SHANK1: variants seen among roughly 807,000 people sequenced by gnomAD.
SHANK1 encodes SH3 and multiple ankyrin repeat domains protein 1.
A neutral mutation model predicts 165.6 loss-of-function variants in SHANK1; 35 were observed. The ratio of observed to expected loss-of-function variants is 0.21; its 90% confidence interval spans 0.16 to 0.28. The LOEUF is 0.28. Ranked by LOEUF, SHANK1 falls within the 10% of genes least tolerant of loss-of-function variation. The pLI, the probability that SHANK1 is intolerant of heterozygous loss-of-function variation, is 1.00. For synonymous variants in SHANK1, 1,428 were observed against 1,384.8 expected, an observed-to-expected ratio of 1.03 and a Z score of -0.69; for missense variants, 2,681 against 3,036.4, an observed-to-expected ratio of 0.88 and a Z score of 2.75.
At chr19:50,687,542 TC>T in intron 19 of SHANK1, 39 bp downstream of exon 19, 12 of 1,494,936 alleles carry the variant, frequency 8.0e-6, no homozygotes, top group East Asian at 2.5e-5. Flanking sequence ...CCTTCCCCTC[TC>T]CCCCCGGCCC....
In SHANK1 at chr19:50,659,264, T is replaced by C; in HGVS notation, c.*2701A>G. 1.3e-6 allele frequency: 1 copy of C among 751,784 alleles called. No homozygotes were observed. Among genetic ancestry groups the C allele is most frequent in the Non-Finnish European group, 1.8e-6 (1 of 544,604 alleles). The allele number at this position is 751,784 out of a possible 1,614,324, so 46.6% of individuals were successfully genotyped here. A position where few individuals can be genotyped will look rare whatever the true frequency, so the allele number is the denominator to read the frequency against. The stretch of plus-strand genomic sequence containing the variant: ...AGGAGGCGGGGCCGGCTCGAGGGGG[T>C]GGATACTGTGAGTTTAATTATAAAG... On this transcript the variant is annotated 3_prime_UTR_variant, in exon 24 of 24. Coordinates refer to ENST00000293441, the MANE Select transcript of SHANK1 (RefSeq NM_016148.5).
Position 50,666,501 on chromosome 19 carries a change from G to T in SHANK1, c.5459C>A (p.Pro1820Gln). The change falls in exon 23 of 24, where the codon CCA (proline) becomes CAA (glutamine). Residue 1820 changes from proline to glutamine, a missense_variant. Pro to Gln is a moderately conservative substitution (Grantham distance 76, BLOSUM62 -1). Around this residue, in one of 10 missense-constraint regions of SHANK1, gnomAD observed 1,713 missense variants for 1,630.2 expected, o/e 1.05. Transcript: ENST00000293441. Reference sequence around the variant, plus strand: ...CGGCAAGGGCACCGGTGGGACTTCTGGCTCTACAGCCACCGGACCCCCCGC... The same window carrying T: ...CGGCAAGGGCACCGGTGGGACTTCTTGCTCTACAGCCACCGGACCCCCCGC... ...GVAGGPVAVE[P>Q]EVPPVPLPTA... is the part of the protein sequence containing the mutation. The T allele has an allele frequency of 6.3e-7, 1 of 1,591,848 alleles. No individual in the cohort carries two copies. The highest frequency in any genetic ancestry group is 1.8e-5 in the Admixed American group (1 of 56,670).
intron 12 of SHANK1, among the ~76,000 whole-genome samples, chr19:50,701,269 C>T (rs1261730004): frequency 6.6e-6 from 1 of 151,030 alleles, no homozygotes; most frequent in Non-Finnish European, 1.5e-5. Context: ...GCAACCTCCG[C>T]CTCCCGGGTT....
At chr19:50,710,544 A>G (rs2088994990) in intron 8 of SHANK1, among the ~76,000 whole-genome samples, 1 of 152,202 alleles carries the variant, frequency 6.6e-6, no homozygotes, top group Non-Finnish European at 1.5e-5. Context: ...CTAAAGTACC[A>G]GAGGTCATGA....
At chr19:50,694,655 T>G (rs1479732049) in intron 15 of SHANK1, among the ~76,000 whole-genome samples, 14 of 69,542 alleles carry the variant, frequency 2.0e-4, no homozygotes, top group Admixed American at 7.0e-4. Context: ...GGCTGACGAG[T>G]GCGTATTAGG....
intron 21 of SHANK1, among the ~76,000 whole-genome samples, chr19:50,685,182 G>A (rs1986294237): frequency 6.6e-6 from 1 of 152,168 alleles, no homozygotes; most frequent in Non-Finnish European, 1.5e-5. Context: ...GGGTGGCACT[G>A]GCAAGCCTAG....
At position 50,668,149 on chromosome 19, in the gene SHANK1, CG is replaced by C; in HGVS notation, c.3810del (p.Leu1272TrpfsTer71). ...TDAGDEDGGD[G>X]GLGTGAAPGP... The stretch of plus-strand genomic sequence containing the variant: ...CCCGGGGCCGCCCCTGTGCCCAGCC[CG>C]CCGTCCCCGCCGTCCTCGTCCCCCG... On this transcript the variant is annotated frameshift_variant, in exon 23 of 24. Coordinates refer to ENST00000293441, the MANE Select transcript of SHANK1 (RefSeq NM_016148.5). LOFTEE classifies it high-confidence loss of function. 1 of 1,457,084 alleles carries C rather than the reference CG, an allele frequency of 6.9e-7. No homozygotes were observed. The highest frequency in any genetic ancestry group is 1.3e-5 in the South Asian group (1 of 74,278). 90.3% of individuals were successfully genotyped at this position (1,457,084 alleles called of 1,614,324 possible).
In SHANK1 at chr19:50,712,015, C is replaced by T. The variant is rs753185548; in HGVS notation, c.892G>A (p.Glu298Lys). Reference protein sequence around the residue: ...AMVGGDPRCCELLLFNRAQLG... With the variant: ...AMVGGDPRCCKLLLFNRAQLG... ...TGGGCCCTGTTGAACAGGAGCAGCTCGCAGCATCGGGGGTCACCACCCACC... is the reference window on the plus strand; with the variant it reads ...TGGGCCCTGTTGAACAGGAGCAGCTTGCAGCATCGGGGGTCACCACCCACC... Residue 298 changes from glutamate to lysine, a missense_variant, in exon 7 of 24, where the codon GAG becomes AAG. Transcript: ENST00000293441. 2 of 1,614,010 alleles carry T rather than the reference C, an allele frequency of 1.2e-6. No individual in the cohort carries two copies. The highest frequency in any genetic ancestry group is 1.1e-5 in the South Asian group (1 of 91,084).
In SHANK1 at chr19:50,670,820, G is replaced by T. The variant is rs910064551; in HGVS notation, c.2674+1198C>A. Among the ~76,000 whole-genome samples, 2 of 151,814 alleles carry T rather than the reference G, an allele frequency of 1.3e-5. No individual in the cohort carries two copies. Among genetic ancestry groups the T allele is most frequent in the African/African-American group, 4.8e-5 (2 of 41,360 alleles). ...TTCTTTTCTTTTTTTTTGAGACAGA[G>T]TCTCGCTCTGTCGCCCAGGCTGGAG... On this transcript the variant is annotated intron_variant, in intron 22 of 23. Coordinates refer to ENST00000293441, the MANE Select transcript of SHANK1 (RefSeq NM_016148.5). This position sits in a 1 kb window ranked among gnomAD's most constrained non-coding sequence, Gnocchi z 4.1.
chr19:50,687,690 G>A lies in SHANK1; in HGVS notation c.2309-28C>T, dbSNP rs1986400355. The A allele has an allele frequency of 8.9e-6, 13 of 1,454,808 alleles. No homozygotes were observed. The South Asian group carries it at 1.7e-4, about 19-fold the overall frequency. 90.1% of individuals were successfully genotyped at this position (1,454,808 alleles called of 1,614,324 possible). On this transcript the variant is annotated intron_variant, in intron 18 of 23. Coordinates refer to ENST00000293441, the MANE Select transcript of SHANK1 (RefSeq NM_016148.5). ...GAAAAGGTGATGAGGGGAGGCATCA[G>A]TATCATGGGGGAGATGCCCCCACCA...
chr19:50,662,777 G>A lies in SHANK1; in HGVS notation c.5769-95C>T. 9 of 1,383,730 alleles carry A rather than the reference G, an allele frequency of 6.5e-6. No homozygotes were observed. In the South Asian group the frequency reaches 1.2e-4, roughly 18 times the overall value. 85.7% of individuals were successfully genotyped at this position (1,383,730 alleles called of 1,614,324 possible). A position where few individuals can be genotyped will look rare whatever the true frequency, so the allele number is the denominator to read the frequency against. On this transcript the variant is annotated intron_variant, in intron 23 of 23. Transcript: ENST00000293441. The surrounding 1 kb of genome is among the most constrained non-coding windows in gnomAD (Gnocchi z 7.7). ...GCAGAGGTCAAGATATAGGGAGAGAGGAGGAGAGACATAAGGGTAGGGGGA... is the reference window on the plus strand; with the variant it reads ...GCAGAGGTCAAGATATAGGGAGAGAAGAGGAGAGACATAAGGGTAGGGGGA...
intron 15 of SHANK1, among the ~76,000 whole-genome samples, chr19:50,692,472 T>TATATATACACAC (rs1037995388): frequency 3.4e-5 from 5 of 145,412 alleles, no homozygotes; most frequent in African/African-American, 1.3e-4. Flanking sequence ...TATATATATA[T>TATATATACACAC]ACACACACAC....
chr19:50,711,805 A>G, intron 7 of SHANK1, 142 bp downstream of exon 7: 1 of 1,004,228 alleles, frequency 1.0e-6, no homozygotes, highest in Non-Finnish European at 1.5e-6. Context: ...CTTCACCCCC[A>G]CCATTTCCTC....
intron 9 of SHANK1, 80 bp downstream of exon 9, chr19:50,704,356 TC>T (rs1192532785): frequency 1.4e-6 from 2 of 1,398,624 alleles, no homozygotes; most frequent in East Asian, 4.6e-5. Context: ...TTCCTCATTG[TC>T]CCCTTCCTTA....
At position 50,659,549 on chromosome 19, in the gene SHANK1, C is replaced by G. The variant is rs1159877328; in HGVS notation, c.*2416G>C. Among the ~76,000 whole-genome samples the G allele has an allele frequency of 6.6e-6, 1 of 150,406 alleles. No homozygotes were observed. Among genetic ancestry groups the G allele is most frequent in the Non-Finnish European group, 1.5e-5 (1 of 67,400 alleles). On this transcript the variant is annotated 3_prime_UTR_variant, in exon 24 of 24. Coordinates refer to ENST00000293441, the MANE Select transcript of SHANK1 (RefSeq NM_016148.5). ...AGAATCAGACGTCCTCATCCGCCCC[C>G]CTCCTCTTCCCCTCCCACCCCCCCT...
In SHANK1 at chr19:50,671,911, A is replaced by G. The variant is rs1278507438; in HGVS notation, c.2674+107T>C. 10 of 826,968 alleles carry G rather than the reference A, an allele frequency of 1.2e-5. No homozygotes were observed. In the East Asian group the frequency reaches 1.6e-4, roughly 13 times the overall value. 51.2% of individuals were successfully genotyped at this position (826,968 alleles called of 1,614,324 possible). On this transcript the variant is annotated intron_variant, in intron 22 of 23. Transcript: ENST00000293441. ...ACTCTTAACCCAATTTGATGAAACT[A>G]TGGTCTCTCTGGGAGCACAGAACAT... is the stretch of plus-strand genomic sequence containing the variant.
Position 50,714,429 on chromosome 19 carries a change from A to G in SHANK1, c.532-139T>C. The G allele has an allele frequency of 4.1e-6, 3 of 726,494 alleles. No individual in the cohort carries two copies. The East Asian group carries it at 8.3e-5, about 20-fold the overall frequency. The allele number at this position is 726,494 out of a possible 1,614,324, so 45.0% of individuals were successfully genotyped here. On this transcript the variant is annotated intron_variant, in intron 4 of 23. Coordinates refer to ENST00000293441, the MANE Select transcript of SHANK1 (RefSeq NM_016148.5). ...AAAAGCTTCTAGCAGCCTCCTTTAC[A>G]GAGAAAATACCCAGCCCTTTGGGAG...
chr19:50,681,257 C>T (rs902120549), intron 21 of SHANK1, among the ~76,000 whole-genome samples: 3 of 151,958 alleles, frequency 2.0e-5, no homozygotes, highest in Non-Finnish European at 4.4e-5. Flanking sequence ...AGAGAGCCTC[C>T]GACATGAGAG....
intron 21 of SHANK1, among the ~76,000 whole-genome samples, chr19:50,673,282 C>T (rs1373705977): frequency 3.3e-5 from 5 of 152,010 alleles, no homozygotes; most frequent in African/African-American, 4.8e-5. Context: ...TCCCCACCTC[C>T]GGCTCCCGTT....
Sources: allele counts gnomAD v4.1 joint callset (sites outside exome capture counted in the v4.1 genomes callset), GRCh38; gene constraint gnomAD v4.1.1; regional missense constraint gnomAD v4.1.1; non-coding constraint Gnocchi (gnomAD v3.1); transcripts MANE v1.5; gene names NCBI Gene and HGNC (gene_info 2026-07-23, HGNC 2026-07-21).